AOPEP: variants seen among roughly 807,000 people sequenced by gnomAD.
AOPEP encodes the protein aminopeptidase O.
A neutral mutation model predicts 98.1 loss-of-function variants in AOPEP; 77 were observed. The ratio of observed to expected loss-of-function variants is 0.78; its 90% CI spans 0.65 to 0.95. The LOEUF (loss-of-function observed/expected upper bound fraction) is 0.95. Ranked by LOEUF, AOPEP falls within the 40% of genes least tolerant of loss-of-function variation. The pLI is 0.00. For missense variants in AOPEP, 1,024 were observed against 1,024.7 expected, an observed-to-expected ratio of 1.00 and a Z score of 0.01; for synonymous variants, 346 against 365.3, an observed-to-expected ratio of 0.95 and a Z score of 0.60.
rs2055358104 is a variant in AOPEP at position 94,931,797 on chromosome 9, A to G, written c.1661+3266A>G. 4.5e-6 allele frequency: 7 copies of G among 1,547,706 alleles called. No homozygotes were observed. The Admixed American group carries it at 1.4e-4, about 31-fold the overall frequency. Reference sequence around the variant, plus strand: ...TCAACATGTTTGACCACTCTGTCCTAAAAACGCTTTCTTCTTAAAGCACTT... The same window carrying G: ...TCAACATGTTTGACCACTCTGTCCTGAAAACGCTTTCTTCTTAAAGCACTT... On this transcript the variant is annotated intron_variant, in intron 7 of 16. Coordinates refer to ENST00000375315, the MANE Select transcript of AOPEP (RefSeq NM_001193329.3).
chr9:94,866,981 C>G (rs2045775568), intron 5 of AOPEP, among the ~76,000 whole-genome samples: 1 of 152,178 alleles, frequency 6.6e-6, no homozygotes, highest in Non-Finnish European at 1.5e-5. Flanking sequence ...GGACATAAAT[C>G]TAACCCAGCA....
chr9:95,137,288 T>G, the AOPEP span, among the ~76,000 whole-genome samples: 2 of 152,030 alleles, frequency 1.3e-5, no homozygotes, highest in Non-Finnish European at 2.9e-5. Context: ...CCTGCAGACC[T>G]TGTCCAGGGT....
chr9:94,975,271 T>C (rs1179125547), intron 10 of AOPEP, among the ~76,000 whole-genome samples: 5 of 152,062 alleles, frequency 3.3e-5, no homozygotes, highest in Non-Finnish European at 7.4e-5. Flanking sequence ...ATAATAATAA[T>C]ATTGGTCTTG....
chr9:94,731,129 C>T (rs556472106), intron 1 of AOPEP, among the ~76,000 whole-genome samples: 13 of 152,254 alleles, frequency 8.5e-5, no homozygotes, highest in Admixed American at 2.6e-4. Flanking sequence ...TTTCTCACTC[C>T]GCCCGGTAAG....
At chr9:95,090,389 C>T (rs956322868), downstream of AOPEP, among the ~76,000 whole-genome samples, 4 of 152,240 alleles carry the variant, frequency 2.6e-5, no homozygotes, top group Admixed American at 6.5e-5. Context: ...CAGGGCACTT[C>T]TCCAGAGGCC....
chr9:94,955,608 C>G (rs1017838112), intron 8 of AOPEP, among the ~76,000 whole-genome samples: 1 of 152,144 alleles, frequency 6.6e-6, no homozygotes, highest in African/African-American at 2.4e-5. Flanking sequence ...AAGGCCTTTC[C>G]TGGTAGGGGG....
Position 95,018,952 on chromosome 9 carries a change from T to C in AOPEP, c.2115+13336T>C, listed in dbSNP as rs1051511286. On this transcript the variant is annotated intron_variant, in intron 13 of 16. Transcript: ENST00000375315. ...GTGGAAGGCTGCTTACGTGATGGCA[T>C]GTGGATAGCGATGCCATCCGTTTGT... The C allele has an allele frequency of 5.3e-5, 8 of 152,326 alleles. No individual in the cohort carries two copies. In the East Asian group the frequency reaches 1.5e-3, roughly 29 times the overall value. 9.4% of individuals were successfully genotyped at this position (152,326 alleles called of 1,614,324 possible). A position where few individuals can be genotyped will look rare whatever the true frequency, so the allele number is the denominator to read the frequency against.
intron 5 of AOPEP, among the ~76,000 whole-genome samples, chr9:94,903,172 G>A (rs1020916891): frequency 3.3e-5 from 5 of 151,622 alleles, no homozygotes; most frequent in Admixed American, 1.3e-4. Flanking sequence ...GTGGAGAGAC[G>A]GGGTTTTACC....
intron 14 of AOPEP, among the ~76,000 whole-genome samples, chr9:95,069,022 C>T (rs534663477): frequency 6.9e-6 from 1 of 144,366 alleles, no homozygotes; most frequent in Admixed American, 6.8e-5. Flanking sequence ...CTCATGCACC[C>T]TTTCGTGGCT....
intron 5 of AOPEP, among the ~76,000 whole-genome samples, chr9:94,884,411 A>T (rs1297027211): frequency 6.6e-6 from 1 of 152,186 alleles, no homozygotes; most frequent in African/African-American, 2.4e-5. Context: ...AGATGCTGTT[A>T]GCCAGTAAGG....
At chr9:95,014,481 A>C (rs1374049273) in intron 13 of AOPEP, among the ~76,000 whole-genome samples, 1 of 152,168 alleles carries the variant, frequency 6.6e-6, no homozygotes, top group East Asian at 1.9e-4. Flanking sequence ...CAAAAAAAAA[A>C]AAGAGAAAAG....
At chr9:95,135,363 T>C in the AOPEP span, 78 of 1,614,024 alleles carry the variant, frequency 4.8e-5, no homozygotes, top group Non-Finnish European at 6.2e-5. Flanking sequence ...GAATCTTTTA[T>C]AAAGCATTCG....
intron 10 of AOPEP, among the ~76,000 whole-genome samples, chr9:94,973,224 T>G (rs2059635195): frequency 6.6e-6 from 1 of 152,158 alleles, no homozygotes; most frequent in Non-Finnish European, 1.5e-5. Context: ...ATCTTTAGGA[T>G]CTCAAGAGCT....
At chr9:94,841,832 G>A (rs1309047844) in intron 5 of AOPEP, among the ~76,000 whole-genome samples, 1 of 152,084 alleles carries the variant, frequency 6.6e-6, no homozygotes, top group East Asian at 1.9e-4. Flanking sequence ...CAGGAGGACT[G>A]CTTGAACCCA....
intron 4 of AOPEP, among the ~76,000 whole-genome samples, chr9:94,799,669 C>A (rs1288041571): frequency 6.6e-6 from 1 of 151,994 alleles, no homozygotes; most frequent in East Asian, 1.9e-4. Flanking sequence ...TTGAGACCAG[C>A]CTGGCCAACA....
intron 7 of AOPEP, among the ~76,000 whole-genome samples, chr9:94,954,461 A>AG (rs1423779610): frequency 6.6e-6 from 1 of 152,246 alleles, no homozygotes; most frequent in Non-Finnish European, 1.5e-5. Flanking sequence ...TGATAAGCTA[A>AG]GGAAAAAATC....
chr9:94,730,636 A>G (rs1360042208), intron 1 of AOPEP, among the ~76,000 whole-genome samples: 1 of 152,240 alleles, frequency 6.6e-6, no homozygotes, highest in Non-Finnish European at 1.5e-5. Context: ...TTCGGACAGA[A>G]TGAGAAGAAA....
chr9:94,988,530 G>A (rs1420155969), intron 11 of AOPEP, among the ~76,000 whole-genome samples: 1 of 152,194 alleles, frequency 6.6e-6, no homozygotes, highest in East Asian at 1.9e-4. Context: ...GCTAATATTT[G>A]CTAGGTATAT....
chr9:95,135,265 C>T, the AOPEP span: 1 of 1,332,936 alleles, frequency 7.5e-7, no homozygotes, highest in African/African-American at 1.4e-5. Context: ...TTACATCCCC[C>T]CCTTTCATTC....
Sources: allele counts gnomAD v4.1 joint callset (sites outside exome capture counted in the v4.1 genomes callset), GRCh38; gene constraint gnomAD v4.1.1; transcripts MANE v1.5; gene names NCBI Gene and HGNC (gene_info 2026-07-23, HGNC 2026-07-21).